Variants in GSDMA observed in about 807,000 individuals in gnomAD.
GSDMA encodes the protein gasdermin A.
Under a neutral mutation model 54.3 loss-of-function variants are expected in GSDMA, and 55 were observed. The observed-to-expected ratio is 1.01, with a 90% confidence interval of 0.82 to 1.27. The LOEUF is 1.27. Among genes scored for constraint, GSDMA ranks in the 50% most tolerant of loss-of-function variants. The probability of loss-of-function intolerance (pLI) is 0.00; values close to 1 mark genes in which losing one functional copy is unlikely to be tolerated. For synonymous variants in GSDMA, 211 were observed against 224.7 expected (o/e 0.94, Z 0.54); for missense variants, 542 against 542.6 (o/e 1.00, Z 0.01).
chr17:39,974,497 T>G (rs1598307315), intron 9 of GSDMA, 70 bp downstream of exon 9: 3 of 1,434,966 alleles, frequency 2.1e-6, no homozygotes, highest in Non-Finnish European at 2.8e-6. Flanking sequence ...TGGGGGCGGG[T>G]ATTGCAGCAG....
chr17:39,967,668 C>T (rs1412213204), intron 3 of GSDMA, among the ~76,000 whole-genome samples: 2 of 152,108 alleles, frequency 1.3e-5, no homozygotes, highest in East Asian at 1.9e-4. Context: ...CAAGGCAAGA[C>T]ACTTTTCTTC....
In GSDMA at chr17:39,965,731, T is replaced by G; in HGVS notation, c.44T>G (p.Leu15Arg). The G allele has an allele frequency of 6.2e-7, 1 of 1,611,644 alleles. No individual in the cohort carries two copies. Among genetic ancestry groups the G allele is most frequent in the Middle Eastern group, 1.7e-4 (1 of 6,060 alleles). Residue 15 changes from leucine to arginine, a missense_variant, in exon 2 of 12, where the codon CTA becomes CGA. Coordinates refer to ENST00000301659, the MANE Select transcript of GSDMA (RefSeq NM_178171.5). ...GTCACCCGGGCCCTGGCCAGACAGC[T>G]AAACCCTCGAGGGGACCTGACACCA... ...ENVTRALARQ[L>R]NPRGDLTPLD... is the part of the protein sequence containing the mutation.
intron 3 of GSDMA, among the ~76,000 whole-genome samples, chr17:39,966,940 C>T (rs1979696759): frequency 6.6e-6 from 1 of 152,224 alleles, no homozygotes; most frequent in African/African-American, 2.4e-5. Context: ...CTCGGGAATG[C>T]TGCCCCACAG....
intron 11 of GSDMA, 104 bp downstream of exon 11, chr17:39,976,101 T>A: frequency 1.3e-6 from 1 of 749,068 alleles, no homozygotes; most frequent in Non-Finnish European, 2.3e-6. Flanking sequence ...GATCCCTGTC[T>A]TATCCCAGGG....
chr17:39,975,372 C>T (rs557241142), intron 10 of GSDMA, among the ~76,000 whole-genome samples: 1 of 151,718 alleles, frequency 6.6e-6, no homozygotes, highest in African/African-American at 2.4e-5. Context: ...TCGCTTGAAC[C>T]CAGGAGGGGG....
At position 39,975,112 on chromosome 17, in the gene GSDMA, CAAA is replaced by C. The variant is rs1311723735; in HGVS notation, c.1021+99_1021+101del. 4 of 727,746 alleles carry C rather than the reference CAAA, an allele frequency of 5.5e-6. No individual in the cohort carries two copies. The East Asian group carries it at 1.1e-4, about 20-fold the overall frequency. The allele number at this position is 727,746 out of a possible 1,614,324, so 45.1% of individuals were successfully genotyped here. A position where few individuals can be genotyped will look rare whatever the true frequency, so the allele number is the denominator to read the frequency against. ...AATGGATGAATAAATGAATGAATGA[CAAA>C]TTATACCACAGTTAAGTAGTTTATA... is the stretch of plus-strand genomic sequence containing the variant. On this transcript the variant is annotated intron_variant, in intron 10 of 11. Coordinates refer to ENST00000301659, the MANE Select transcript of GSDMA (RefSeq NM_178171.5).
At chr17:39,965,347 G>T (rs1476973179) in intron 1 of GSDMA, among the ~76,000 whole-genome samples, 1 of 152,040 alleles carries the variant, frequency 6.6e-6, no homozygotes, top group Non-Finnish European at 1.5e-5. Flanking sequence ...AGAAAAGAAA[G>T]AAAAGAAGTG....
rs1695608689 is a variant in GSDMA at position 39,966,205 on chromosome 17, G to T, written c.215-55G>T. 3 of 1,579,536 alleles carry T rather than the reference G, an allele frequency of 1.9e-6. No individual in the cohort carries two copies. The African/African-American group carries it at 4.1e-5, about 21-fold the overall frequency. ...GCCTCCCAAAATGCTGGGATTACAG[G>T]CATGAGTTACTGCACCCAGCCAGCC... On this transcript the variant is annotated intron_variant, in intron 2 of 11. Coordinates refer to ENST00000301659, the MANE Select transcript of GSDMA (RefSeq NM_178171.5).
chr17:39,974,543 C>A, intron 9 of GSDMA, 116 bp downstream of exon 9: 1 of 1,152,488 alleles, frequency 8.7e-7, no homozygotes, highest in African/African-American at 1.6e-5. Context: ...GGTGGGTGGC[C>A]AGGGGAGTCC....
rs371798562 is a variant in GSDMA, at chr17:39,977,287, CTTTTCT to C, written c.*234_*239del. On this transcript the variant is annotated 3_prime_UTR_variant, in exon 12 of 12. Transcript: ENST00000301659. Reference sequence around the variant, plus strand: ...TGATGCTTAAATTTTCTTTACTTTTCTTTTCTTTTTTTTTTTTTTTTTGAGATGGAG... The same window carrying C: ...TGATGCTTAAATTTTCTTTACTTTTCTTTTTTTTTTTTTTTTGAGATGGAG... 11,310 of 295,688 alleles carry C rather than the reference CTTTTCT, an allele frequency of 0.038. 203 individuals carry two copies. Among genetic ancestry groups the C allele is most frequent in the Middle Eastern group, 0.079 (90 of 1,146 alleles). The allele number at this position is 295,688 out of a possible 1,614,324, so 18.3% of individuals were successfully genotyped here.
At chr17:39,970,790 C>A in intron 4 of GSDMA, 143 bp downstream of exon 4, 1 of 562,296 alleles carries the variant, frequency 1.8e-6, no homozygotes, top group Non-Finnish European at 2.6e-6. Flanking sequence ...AAGGGCCACT[C>A]CTTCCCCCGG....
intron 8 of GSDMA, 28 bp from the exon 9 acceptor site, chr17:39,974,245 G>T (rs757777201): frequency 1.3e-5 from 20 of 1,589,078 alleles, no homozygotes; most frequent in Middle Eastern, 1.7e-4. Flanking sequence ...CCGATGGAGG[G>T]CTGTGTGTCC....
At chr17:39,967,849 T>C (rs1979739673) in intron 3 of GSDMA, among the ~76,000 whole-genome samples, 1 of 151,402 alleles carries the variant, frequency 6.6e-6, no homozygotes, top group South Asian at 2.1e-4. Flanking sequence ...ATTTTTTATT[T>C]ATTTATTTTA....
chr17:39,965,545 G>A lies in GSDMA; in HGVS notation c.-5-138G>A. On this transcript the variant is annotated intron_variant, in intron 1 of 11. Transcript: ENST00000301659. ...TTGATTCTTTCCAGCTGTGACATGAGACAATCCAGGCATCTCTAAGAGCTC... is the reference window on the plus strand; with the variant it reads ...TTGATTCTTTCCAGCTGTGACATGAAACAATCCAGGCATCTCTAAGAGCTC... 9 of 638,520 alleles carry A rather than the reference G, an allele frequency of 1.4e-5. No homozygotes were observed. In the South Asian group the frequency reaches 1.5e-4, roughly 10 times the overall value. 39.6% of individuals were successfully genotyped at this position (638,520 alleles called of 1,614,324 possible). A position where few individuals can be genotyped will look rare whatever the true frequency, so the allele number is the denominator to read the frequency against.
chr17:39,972,606 G>A lies in GSDMA; in HGVS notation c.723G>A (p.Lys241=). The part of the protein sequence containing the change: ...FPPGEKSGEE[K]VILIQASDVG... ...CTTCAGAAAAGTCAGGAGAGGAGAA[G>A]GTCATCCGTAAGTGTTTCCTTTCAT... is the stretch of plus-strand genomic sequence containing the variant. Residue 241 remains lysine, a synonymous_variant, in exon 7 of 12, where the codon AAG becomes AAA. Coordinates refer to ENST00000301659, the MANE Select transcript of GSDMA (RefSeq NM_178171.5). The A allele has an allele frequency of 1.9e-6, 3 of 1,612,678 alleles. No individual in the cohort carries two copies. The highest frequency in any genetic ancestry group is 1.7e-6 in the Non-Finnish European group (2 of 1,179,252).
intron 3 of GSDMA, among the ~76,000 whole-genome samples, chr17:39,968,339 CTTT>C (rs60315845): frequency 4.8e-5 from 2 of 41,354 alleles, no homozygotes; most frequent in East Asian, 7.0e-4. Context: ...TGAGCCCGGT[CTTT>C]TTTTTTTTTT....
At chr17:39,973,564 GA>G (rs34114516) in intron 7 of GSDMA, among the ~76,000 whole-genome samples, 28,826 of 144,202 alleles carry the variant, frequency 0.2, 3,352 homozygotes, top group East Asian at 0.42. Flanking sequence ...GCCTGGCCTA[GA>G]AAAAAAAAAA....
intron 4 of GSDMA, among the ~76,000 whole-genome samples, chr17:39,970,899 GA>G (rs1365564822): frequency 1.3e-5 from 2 of 152,212 alleles, no homozygotes; most frequent in Non-Finnish European, 2.9e-5. Context: ...AACTACTGGG[GA>G]AGGGGAAAGT....
intron 3 of GSDMA, among the ~76,000 whole-genome samples, chr17:39,968,410 C>G (rs977719372): frequency 1.5e-4 from 20 of 133,862 alleles, no homozygotes; most frequent in African/African-American, 5.8e-4. Context: ...TGCAGTGACA[C>G]GATACCAGGT....
Sources: gnomAD v4.1 joint callset for allele counts (sites outside exome capture counted in the v4.1 genomes callset) on GRCh38, gnomAD v4.1.1 for gene constraint, MANE v1.5 for transcripts, NCBI Gene and HGNC (gene_info 2026-07-23, HGNC 2026-07-21) for gene names.